The following LMBR1 variants were observed in gnomAD, a reference collection of about 807,000 sequenced individuals.
The protein encoded by LMBR1 is limb development membrane protein 1, also known as limb region 1 protein homolog.
A neutral mutation model predicts 73.9 loss-of-function variants in LMBR1; 52 were observed. The observed-to-expected ratio is 0.70, with a 90% CI of 0.56 to 0.89. LMBR1 has a LOEUF of 0.89. Among genes scored for constraint, LMBR1 ranks in the 40% least tolerant of loss-of-function variants. The pLI is 0.00. For synonymous variants in LMBR1, 215 were observed against 209.4 expected (o/e 1.03, Z -0.23); for missense variants, 539 against 579.8 (o/e 0.93, Z 0.72).
chr7:156,700,185 C>T, intron 15 of LMBR1, among the ~76,000 whole-genome samples: 1 of 152,162 alleles, frequency 6.6e-6, no homozygotes, highest in Admixed American at 6.5e-5. Flanking sequence ...AAATGTGGCA[C>T]ATATACACCA....
intron 5 of LMBR1, among the ~76,000 whole-genome samples, chr7:156,765,242 T>C (rs571812078): frequency 6.6e-6 from 1 of 152,192 alleles, no homozygotes; most frequent in African/African-American, 2.4e-5. Flanking sequence ...TCCCCATGTG[T>C]CGTGGGAAGG....
At chr7:156,884,296 C>T (rs566873971) in intron 1 of LMBR1, among the ~76,000 whole-genome samples, 3 of 152,188 alleles carry the variant, frequency 2.0e-5, no homozygotes, top group Admixed American at 1.3e-4. Flanking sequence ...GACTCTTCTG[C>T]TGAACATCAA....
At chr7:156,841,079 T>C (rs1197670717) in intron 1 of LMBR1, among the ~76,000 whole-genome samples, 1 of 151,452 alleles carries the variant, frequency 6.6e-6, no homozygotes, top group Non-Finnish European at 1.5e-5. Flanking sequence ...CTCGGACCTG[T>C]GCAAGGAGGT....
rs115269448 is a variant in LMBR1, at chr7:156,697,608, T to A, written c.1226-9417A>T. The stretch of plus-strand genomic sequence containing the variant: ...TTTCTAGGAAATGAATTTAGCGATA[T>A]CTTCCCTATTTGCATGTCCATTTAT... On this transcript the variant is annotated intron_variant, in intron 15 of 16. Coordinates refer to ENST00000353442, the MANE Select transcript of LMBR1 (RefSeq NM_022458.4). 1.3e-3 allele frequency among the ~76,000 whole-genome samples: 195 copies of A among 152,336 alleles called. 2 individuals carry two copies. Among genetic ancestry groups the A allele is most frequent in the African/African-American group, 4.6e-3 (192 of 41,582 alleles).
chr7:156,893,110 A>G lies in LMBR1; in HGVS notation c.-117T>C, dbSNP rs1803479459. 9.3e-7 allele frequency: 1 copy of G among 1,079,460 alleles called. No homozygotes were observed. The highest frequency in any genetic ancestry group is 1.7e-5 in the African/African-American group (1 of 59,702). 66.9% of individuals were successfully genotyped at this position (1,079,460 alleles called of 1,614,324 possible). On this transcript the variant is annotated 5_prime_UTR_variant, in exon 1 of 17. Transcript: ENST00000353442. ...GGACCGGAGCCGGCACGGGCCCGCG[A>G]GCCGTGTTGGAACAGGTACCGCGAC... is the stretch of plus-strand genomic sequence containing the variant.
intron 5 of LMBR1, among the ~76,000 whole-genome samples, chr7:156,786,354 A>T (rs1828102841): frequency 6.6e-6 from 1 of 152,160 alleles, no homozygotes; most frequent in South Asian, 2.1e-4. Flanking sequence ...ATAGTCAAGA[A>T]GTTCAAAAAT....
rs148655712 is a variant in LMBR1 at position 156,724,180 on chromosome 7, T to C, written c.1159-2A>G. On this transcript the variant is annotated splice_acceptor_variant, in intron 14 of 16. Coordinates refer to ENST00000353442, the MANE Select transcript of LMBR1 (RefSeq NM_022458.4). LOFTEE classifies it high-confidence loss of function. ...GATGGACACACAATTTCCAATGATC[T>C]GTTATGAGAAACGAGAAAGAATATT... is the stretch of plus-strand genomic sequence containing the variant. 1.5e-4 allele frequency: 243 copies of C among 1,609,168 alleles called. 1 individual carries two copies. The highest frequency in any genetic ancestry group is 2.0e-4 in the Non-Finnish European group (233 of 1,177,154).
At chr7:156,757,232 T>G (rs186115533) in intron 8 of LMBR1, among the ~76,000 whole-genome samples, 47 of 152,370 alleles carry the variant, frequency 3.1e-4, no homozygotes, top group African/African-American at 9.4e-4. Flanking sequence ...AGTCCAACAT[T>G]TGTTTTCTCA....
chr7:156,801,917 A>C (rs947689427), intron 4 of LMBR1, among the ~76,000 whole-genome samples: 1 of 152,232 alleles, frequency 6.6e-6, no homozygotes, highest in Non-Finnish European at 1.5e-5. Context: ...GTCCCAGAGC[A>C]AGAAAAACTT....
At chr7:156,675,159 G>A (rs140786756), downstream of LMBR1, among the ~76,000 whole-genome samples, 12 of 152,362 alleles carry the variant, frequency 7.9e-5, no homozygotes, top group Admixed American at 3.9e-4. Context: ...GCGGAGACCC[G>A]AAGAGACAGT....
downstream of LMBR1, among the ~76,000 whole-genome samples, chr7:156,675,131 C>T (rs1227684587): frequency 3.3e-5 from 5 of 152,094 alleles, no homozygotes; most frequent in African/African-American, 7.2e-5. Flanking sequence ...GAAGAGGCAG[C>T]GGCGACCCGA....
At position 156,827,823 on chromosome 7, in the gene LMBR1, C is replaced by T. The variant is rs188441981; in HGVS notation, c.180-1079G>A. Among the ~76,000 whole-genome samples the T allele has an allele frequency of 1.4e-3, 210 of 152,218 alleles. 1 individual carries two copies. Among genetic ancestry groups the T allele is most frequent in the African/African-American group, 4.2e-3 (175 of 41,530 alleles). ...AGAAGTGTATTCCTACTTCAAAAGC[C>T]AAAAATAACCAGGAAACCTCCTTGG... On this transcript the variant is annotated intron_variant, in intron 3 of 16. Coordinates refer to ENST00000353442, the MANE Select transcript of LMBR1 (RefSeq NM_022458.4).
At chr7:156,701,041 A>G (rs1214337740) in intron 15 of LMBR1, among the ~76,000 whole-genome samples, 3 of 152,146 alleles carry the variant, frequency 2.0e-5, no homozygotes, top group African/African-American at 7.2e-5. Context: ...GAGATTTACT[A>G]TTATGAAAAC....
chr7:156,729,516 C>A (rs1816440900), intron 10 of LMBR1, among the ~76,000 whole-genome samples: 2 of 148,042 alleles, frequency 1.4e-5, no homozygotes, highest in African/African-American at 2.5e-5. Flanking sequence ...CTCTGTCTCC[C>A]AGGCTGGAGT....
intron 15 of LMBR1, among the ~76,000 whole-genome samples, chr7:156,708,249 T>C (rs1811379351): frequency 3.9e-5 from 6 of 152,034 alleles, no homozygotes; most frequent in Admixed American, 3.9e-4. Flanking sequence ...AACAAAGAAT[T>C]CACGAATCCT....
At chr7:156,712,197 AAAAAGTGGGC>A (rs1812210829) in intron 15 of LMBR1, among the ~76,000 whole-genome samples, 1 of 152,202 alleles carries the variant, frequency 6.6e-6, no homozygotes, top group African/African-American at 2.4e-5. Context: ...GACACACTTC[AAAAAGTGGGC>A]AAAAGACAGA....
At chr7:156,849,779 C>A (rs1795994386) in intron 1 of LMBR1, among the ~76,000 whole-genome samples, 1 of 152,052 alleles carries the variant, frequency 6.6e-6, no homozygotes. Context: ...ATAAAATTTT[C>A]CAAACCCATG....
chr7:156,831,653 G>A (rs961195894), intron 3 of LMBR1, among the ~76,000 whole-genome samples: 1 of 152,132 alleles, frequency 6.6e-6, no homozygotes, highest in Admixed American at 6.5e-5. Context: ...CCGTGACTCG[G>A]AAAACCCAAA....
chr7:156,836,397 G>A (rs1837646419), intron 2 of LMBR1, among the ~76,000 whole-genome samples: 1 of 152,178 alleles, frequency 6.6e-6, no homozygotes, highest in South Asian at 2.1e-4. Flanking sequence ...AATACAAGAT[G>A]CTAGTAATTG....
Sources: allele counts gnomAD v4.1 joint callset (sites outside exome capture counted in the v4.1 genomes callset), GRCh38; gene constraint gnomAD v4.1.1; transcripts MANE v1.5; gene names NCBI Gene and HGNC (gene_info 2026-07-23, HGNC 2026-07-21).